The following NDOR1 variants were observed in gnomAD, a reference collection of about 807,000 sequenced individuals.
NDOR1 encodes NADPH dependent diflavin oxidoreductase 1.
Under a neutral mutation model 67.2 loss-of-function variants are expected in NDOR1, and 61 were observed. That is an observed-to-expected ratio of 0.91 (90% confidence interval 0.74 to 1.12). NDOR1 has a LOEUF of 1.12. Ranked by LOEUF, NDOR1 falls within the 50% of genes most tolerant of loss-of-function variation. The pLI, the probability that NDOR1 is intolerant of heterozygous loss-of-function variation, is 0.00. For missense variants in NDOR1, 878 were observed against 802.8 expected, an observed-to-expected ratio of 1.09 and a Z score of -1.13; for synonymous variants, 378 against 343.7, an observed-to-expected ratio of 1.10 and a Z score of -1.10.
At chr9:137,205,946 G>C (rs777986636) in intron 1 of NDOR1, 34 bp downstream of exon 1, 1 of 1,553,048 alleles carries the variant, frequency 6.4e-7, no homozygotes, top group Non-Finnish European at 8.7e-7. Context: ...CGTGGGGGAC[G>C]AGCAGGCCTG....
Position 137,215,885 on chromosome 9 carries a change from CT to C in NDOR1, c.1436-13del. On this transcript the variant is annotated splice_polypyrimidine_tract_variant and intron_variant, in intron 11 of 13. Coordinates refer to ENST00000684003, the MANE Select transcript of NDOR1 (RefSeq NM_014434.4). Reference sequence around the variant, plus strand: ...TCAAGGACCTGTGGCCAAGAGCACCCTGTATTTCCCTAGGAAACTTCTTGTT... The same window carrying C: ...TCAAGGACCTGTGGCCAAGAGCACCCGTATTTCCCTAGGAAACTTCTTGTT... 6.2e-7 allele frequency: 1 copy of C among 1,613,182 alleles called. No individual in the cohort carries two copies. The highest frequency in any genetic ancestry group is 1.7e-5 in the Admixed American group (1 of 60,022).
In NDOR1 at chr9:137,206,301, A is replaced by G. The variant is rs781676709; in HGVS notation, c.205A>G (p.Asn69Asp). ...TACAGGCCAAGGAGACCCCCCTGAC[A>G]ACATGAAGGTAAGGCTGGCCTGATG... is the stretch of plus-strand genomic sequence containing the variant. ...ATTGQGDPPDNMKNFWRFIFR... is the reference protein window; with the variant it reads ...ATTGQGDPPDDMKNFWRFIFR... Residue 69 changes from asparagine (N) to aspartate (D), a missense_variant, in exon 2 of 14, where the codon AAC becomes GAC. Coordinates refer to ENST00000684003, the MANE Select transcript of NDOR1 (RefSeq NM_014434.4). 1 of 1,613,954 alleles carries G rather than the reference A, an allele frequency of 6.2e-7. No homozygotes were observed. The highest frequency in any genetic ancestry group is 1.3e-5 in the African/African-American group (1 of 75,052).
rs188975824 is a variant in NDOR1, at chr9:137,212,859, G to A, written c.311+260G>A. The A allele has an allele frequency of 6.9e-4, 335 of 483,864 alleles. 4 individuals carry two copies. The highest frequency in any genetic ancestry group is 5.9e-3 in the South Asian group (220 of 37,118). 30.0% of individuals were successfully genotyped at this position (483,864 alleles called of 1,614,324 possible). ...ACGTCACACAGGCCTACCTGGCGCCGGTCCCCACTTTTACAAAAAGGCGTG... is the reference window on the plus strand; with the variant it reads ...ACGTCACACAGGCCTACCTGGCGCCAGTCCCCACTTTTACAAAAAGGCGTG... On this transcript the variant is annotated intron_variant, in intron 3 of 13. Transcript: ENST00000684003. This position sits in a 1 kb window ranked among gnomAD's most constrained non-coding sequence, Gnocchi z 4.3.
rs1172581065 is a variant in NDOR1, at chr9:137,219,101, C to T, written c.*2685C>T. The T allele has an allele frequency of 6.5e-6, 1 of 154,166 alleles. No individual in the cohort carries two copies. The highest frequency in any genetic ancestry group is 1.4e-5 in the Non-Finnish European group (1 of 69,464). The allele number at this position is 154,166 out of a possible 1,614,324, so 9.5% of individuals were successfully genotyped here. On this transcript the variant is annotated 3_prime_UTR_variant, in exon 14 of 14. Coordinates refer to ENST00000684003, the MANE Select transcript of NDOR1 (RefSeq NM_014434.4). ...CCAGTGTGTGTCCCTGAAGGTCAGG[C>T]CAGCCGGGGGAGGGGTCCATGCTGC...
chr9:137,205,700 G>C lies in NDOR1; in HGVS notation c.-78G>C. 1.3e-6 allele frequency: 2 copies of C among 1,588,556 alleles called. No homozygotes were observed. Among genetic ancestry groups the C allele is most frequent in the Non-Finnish European group, 1.7e-6 (2 of 1,172,606 alleles). ...CGGTCGACGGCGGAAGGCGGAAGGC[G>C]GAGCGGTCCCTGCAACCCGGCCGGC... On this transcript the variant is annotated 5_prime_UTR_variant, in exon 1 of 14. Coordinates refer to ENST00000684003, the MANE Select transcript of NDOR1 (RefSeq NM_014434.4).
rs548833517 is a variant in NDOR1 at position 137,213,891 on chromosome 9, G to C, written c.410+13G>C. 1.9e-6 allele frequency: 3 copies of C among 1,603,668 alleles called. No homozygotes were observed. The highest frequency in any genetic ancestry group is 2.6e-6 in the Non-Finnish European group (3 of 1,175,268). ...AGCATGAGCTGGGGTGAGTCTGCGG[G>C]CGTGGTACCCGCCTCCACAGTCTGG... is the stretch of plus-strand genomic sequence containing the variant. On this transcript the variant is annotated intron_variant, in intron 4 of 13. Transcript: ENST00000684003.
Position 137,210,218 on chromosome 9 carries a change from CTCTTTT to C in NDOR1, c.214-2272_214-2267del, listed in dbSNP as rs1369708283. Among the ~76,000 whole-genome samples, 21 of 151,828 alleles carry C rather than the reference CTCTTTT, an allele frequency of 1.4e-4. No individual in the cohort carries two copies. The South Asian group carries it at 1.7e-3, about 12-fold the overall frequency. ...GAACAGGAAACAGTTTTTTCTCTTT[CTCTTTT>C]TCTTTTTCTTTCTGGAGACAGAGCT... On this transcript the variant is annotated intron_variant, in intron 2 of 13. Transcript: ENST00000684003.
At position 137,212,772 on chromosome 9, in the gene NDOR1, C is replaced by A; in HGVS notation, c.311+173C>A. On this transcript the variant is annotated intron_variant, in intron 3 of 13. Transcript: ENST00000684003. The surrounding 1 kb of genome is among the most constrained non-coding windows in gnomAD (Gnocchi z 4.3). ...CCTGGTGGGCACCCCAGGCTTCACG[C>A]TGCGGGGAGGGCACAGAGGGGAGCA... The A allele has an allele frequency of 1.6e-6, 1 of 626,568 alleles. No individual in the cohort carries two copies. 38.8% of individuals were successfully genotyped at this position (626,568 alleles called of 1,614,324 possible).
At position 137,205,869 on chromosome 9, in the gene NDOR1, G is replaced by A; in HGVS notation, c.92G>A (p.Arg31Gln). The A allele has an allele frequency of 1.2e-6, 2 of 1,600,012 alleles. No homozygotes were observed. Among genetic ancestry groups the A allele is most frequent in the Non-Finnish European group, 8.5e-7 (1 of 1,178,258 alleles). ...SERLGREARR[R>Q]RLGCRVQALD... ...AGACTGGGTCGCGAGGCCCGGCGCC[G>A]GCGGCTTGGCTGCCGGGTGCAGGCC... The change falls in exon 1 of 14, where the codon CGG (arginine) becomes CAG (glutamine). Residue 31 changes from arginine (R) to glutamine (Q), a missense_variant. By Grantham distance (43) the Arg-to-Gln change is conservative (BLOSUM62 1). Coordinates refer to ENST00000684003, the MANE Select transcript of NDOR1 (RefSeq NM_014434.4).
At position 137,212,393 on chromosome 9, in the gene NDOR1, G is replaced by A; in HGVS notation, c.214-109G>A. 1 of 914,560 alleles carries A rather than the reference G, an allele frequency of 1.1e-6. No individual in the cohort carries two copies. Among genetic ancestry groups the A allele is most frequent in the South Asian group, 1.4e-5 (1 of 71,738 alleles). The allele number at this position is 914,560 out of a possible 1,614,324, so 56.7% of individuals were successfully genotyped here. The stretch of plus-strand genomic sequence containing the variant: ...GGTCAGATAGGTCCAGTTGTATTCT[G>A]CCCCCATCCTACCCACCTGCCTGTT... On this transcript the variant is annotated intron_variant, in intron 2 of 13. Coordinates refer to ENST00000684003, the MANE Select transcript of NDOR1 (RefSeq NM_014434.4). This position sits in a 1 kb window ranked among gnomAD's most constrained non-coding sequence, Gnocchi z 4.3.
Position 137,214,961 on chromosome 9 carries a change from C to G in NDOR1, c.1008C>G (p.Ala336=). 6.2e-7 allele frequency: 1 copy of G among 1,613,610 alleles called. No homozygotes were observed. Among genetic ancestry groups the G allele is most frequent in the Non-Finnish European group, 8.5e-7 (1 of 1,179,984 alleles). The change falls in exon 8 of 14, where the codon GCC becomes GCG. Residue 336 remains alanine, a synonymous_variant. Transcript: ENST00000684003. ...AGAAGCTGCTGGAGTTCAGTTCTGC[C>G]CAAGGCCAGGAGGAGCTCTTTGAAT... ...EREKLLEFSS[A]QGQEELFEYC...
intron 3 of NDOR1, 137 bp from the exon 4 acceptor site, chr9:137,213,643 G>A (rs1835368047): frequency 4.7e-6 from 4 of 849,092 alleles, no homozygotes; most frequent in Non-Finnish European, 5.6e-6. Context: ...GGCCAGCGTG[G>A]AGTGTGTTTT....
chr9:137,216,615 C>T lies in NDOR1; in HGVS notation c.*199C>T. The T allele has an allele frequency of 1.5e-6, 1 of 678,586 alleles. No individual in the cohort carries two copies. The highest frequency in any genetic ancestry group is 2.4e-6 in the Non-Finnish European group (1 of 411,066). 42.0% of individuals were successfully genotyped at this position (678,586 alleles called of 1,614,324 possible). A position where few individuals can be genotyped will look rare whatever the true frequency, so the allele number is the denominator to read the frequency against. On this transcript the variant is annotated 3_prime_UTR_variant, in exon 14 of 14. Transcript: ENST00000684003. ...TTTGAGCCTGACCCCACTGCAGCCTCTGCCCAGCCAGCCCTGCGCTCCCCC... is the reference window on the plus strand; with the variant it reads ...TTTGAGCCTGACCCCACTGCAGCCTTTGCCCAGCCAGCCCTGCGCTCCCCC...
At position 137,216,025 on chromosome 9, in the gene NDOR1, T is replaced by C; in HGVS notation, c.1554+8T>C. The C allele has an allele frequency of 1.2e-6, 2 of 1,613,538 alleles. No homozygotes were observed. Among genetic ancestry groups the C allele is most frequent in the Non-Finnish European group, 1.7e-6 (2 of 1,179,966 alleles). On this transcript the variant is annotated splice_region_variant and intron_variant, in intron 12 of 13. Coordinates refer to ENST00000684003, the MANE Select transcript of NDOR1 (RefSeq NM_014434.4). ...GCCTTCTCCCGGGAACAGGTGTGTATGCTCAGGGGCTGGGAAAGGAGGGGA... is the reference window on the plus strand; with the variant it reads ...GCCTTCTCCCGGGAACAGGTGTGTACGCTCAGGGGCTGGGAAAGGAGGGGA...
In NDOR1 at chr9:137,212,774, G is replaced by A; in HGVS notation, c.311+175G>A. On this transcript the variant is annotated intron_variant, in intron 3 of 13. Transcript: ENST00000684003. This position sits in a 1 kb window ranked among gnomAD's most constrained non-coding sequence, Gnocchi z 4.3. ...TGGTGGGCACCCCAGGCTTCACGCT[G>A]CGGGGAGGGCACAGAGGGGAGCAGG... 1 of 621,390 alleles carries A rather than the reference G, an allele frequency of 1.6e-6. No individual in the cohort carries two copies. Among genetic ancestry groups the A allele is most frequent in the Non-Finnish European group, 2.9e-6 (1 of 348,950 alleles). The allele number at this position is 621,390 out of a possible 1,614,324, so 38.5% of individuals were successfully genotyped here. A position where few individuals can be genotyped will look rare whatever the true frequency, so the allele number is the denominator to read the frequency against.
chr9:137,214,728 C>T, intron 7 of NDOR1, 37 bp downstream of exon 7: 4 of 1,597,614 alleles, frequency 2.5e-6, no homozygotes, highest in Non-Finnish European at 2.5e-6. Context: ...TCTCTGCCCT[C>T]TCCCGTGCCC....
At chr9:137,207,873 G>A (rs752559616) in intron 2 of NDOR1, among the ~76,000 whole-genome samples, 1 of 152,150 alleles carries the variant, frequency 6.6e-6, no homozygotes, top group African/African-American at 2.4e-5. Flanking sequence ...GGCCGGCTGC[G>A]GTGGCTCACG....
intron 2 of NDOR1, among the ~76,000 whole-genome samples, chr9:137,208,303 T>C (rs572184863): frequency 4.1e-5 from 6 of 146,914 alleles, no homozygotes; most frequent in African/African-American, 1.5e-4. Flanking sequence ...TACAAAAAAC[T>C]AGCCGGATGT....
chr9:137,208,606 G>A (rs1350064158), intron 2 of NDOR1, among the ~76,000 whole-genome samples: 1 of 152,148 alleles, frequency 6.6e-6, no homozygotes. Context: ...GGAGGCCGAG[G>A]TGGGAGGATC....
Sources: allele counts gnomAD v4.1 joint callset (sites outside exome capture counted in the v4.1 genomes callset), GRCh38; gene constraint gnomAD v4.1.1; non-coding constraint Gnocchi (gnomAD v3.1); transcripts MANE v1.5; gene names NCBI Gene and HGNC (gene_info 2026-07-23, HGNC 2026-07-21).